The following VPS72 variants were observed in gnomAD, a reference collection of about 807,000 sequenced individuals.
VPS72 encodes the protein vacuolar protein sorting 72 homolog.
Under a neutral mutation model 38.9 loss-of-function variants are expected in VPS72, and 27 were observed. The observed-to-expected ratio is 0.69, with a 90% confidence interval of 0.51 to 0.96. The LOEUF (loss-of-function observed/expected upper bound fraction) is 0.96, where lower values mean the gene tolerates loss of function less well. Among genes scored for constraint, VPS72 ranks in the 40% least tolerant of loss-of-function variants. The pLI is 0.00. For synonymous variants in VPS72, 173 were observed against 186.3 expected (o/e 0.93, Z 0.58); for missense variants, 360 against 479.5 (o/e 0.75, Z 2.33).
At position 151,190,136 on chromosome 1, in the gene VPS72, C is replaced by CT. The variant is rs778048224; in HGVS notation, c.-16dup. 6 of 1,611,894 alleles carry CT rather than the reference C, an allele frequency of 3.7e-6. No individual in the cohort carries two copies. The African/African-American group carries it at 8.0e-5, about 22-fold the overall frequency. Reference sequence around the variant, plus strand: ...GCCAAACTCATACCGCCTACCGAGACTGCGCCGCCACCTGCAGCCCCTCAC... The same window carrying CT: ...GCCAAACTCATACCGCCTACCGAGACTTGCGCCGCCACCTGCAGCCCCTCAC... On this transcript the variant is annotated 5_prime_UTR_variant, in exon 1 of 6. Transcript: ENST00000368892.
At position 151,185,568 on chromosome 1, in the gene VPS72, G is replaced by T. The variant is rs201600788; in HGVS notation, c.323C>A (p.Ser108Tyr). Residue 108 changes from serine (S) to tyrosine (Y), a missense_variant, in exon 3 of 6, where the codon TCT (serine) becomes TAT (tyrosine). This residue lies in a region of VPS72 where 294 missense variants were observed against 356.3 expected (regional missense o/e 0.83). Transcript: ENST00000368892. ...PRKVNTPAGSSQKAREEKALL... is the reference protein window; with the variant it reads ...PRKVNTPAGSYQKAREEKALL... Reference sequence around the variant, plus strand: ...TGCCTTCTCTTCTCGCGCCTTCTGAGAGCTACCAGCCGGGGTGTTGACCTT... The same window carrying T: ...TGCCTTCTCTTCTCGCGCCTTCTGATAGCTACCAGCCGGGGTGTTGACCTT... The T allele has an allele frequency of 7.4e-6, 12 of 1,614,144 alleles. No homozygotes were observed. The African/African-American group carries it at 1.5e-4, about 20-fold the overall frequency.
chr1:151,184,227 A>C, intron 4 of VPS72, 90 bp downstream of exon 4: 1 of 1,499,610 alleles, frequency 6.7e-7, no homozygotes, highest in Non-Finnish European at 9.0e-7. Context: ...CCAAATTTCC[A>C]TCTCTCCAGT....
At chr1:151,180,992 G>A (rs1454623597) in intron 4 of VPS72, among the ~76,000 whole-genome samples, 5 of 152,136 alleles carry the variant, frequency 3.3e-5, no homozygotes, top group Non-Finnish European at 5.9e-5. Flanking sequence ...CTGCTTTTCT[G>A]CCTACCAGCA....
At chr1:151,188,581 C>T (rs1035706584) in intron 1 of VPS72, among the ~76,000 whole-genome samples, 2 of 152,194 alleles carry the variant, frequency 1.3e-5, no homozygotes, top group African/African-American at 4.8e-5. Context: ...CTTTAGTCTC[C>T]TTCATGCTCT....
chr1:151,184,110 T>C (rs370157573), intron 4 of VPS72, among the ~76,000 whole-genome samples: 3 of 152,198 alleles, frequency 2.0e-5, no homozygotes, highest in African/African-American at 7.2e-5. Flanking sequence ...ACAACTCTTA[T>C]TTTACACCAA....
rs1684105910 is a variant in VPS72, at chr1:151,176,679, G to A, written c.1060C>T (p.Pro354Ser). ...PPPEPLPGSG[P>S]RALRQKIVIK ...ACAATTTTCTGGCGCAAGGCTCGGG[G>A]CCCAGAGCCAGGGAGGGGCTCAGGA... Residue 354 changes from proline to serine, a missense_variant, in exon 6 of 6, where the codon CCC becomes TCC. By Grantham distance (74) the Pro-to-Ser change is moderately conservative. This residue lies in a region of VPS72 where 294 missense variants were observed against 356.3 expected (regional missense o/e 0.83). Coordinates refer to ENST00000368892, the MANE Select transcript of VPS72 (RefSeq NM_005997.3). 1.2e-6 allele frequency: 2 copies of A among 1,614,024 alleles called. No individual in the cohort carries two copies. Among genetic ancestry groups the A allele is most frequent in the Admixed American group, 1.7e-5 (1 of 60,006 alleles).
intron 4 of VPS72, among the ~76,000 whole-genome samples, chr1:151,180,727 C>G (rs375677934): frequency 3.3e-5 from 5 of 152,172 alleles, no homozygotes; most frequent in Non-Finnish European, 5.9e-5. Context: ...TGAGCCACCA[C>G]GCCTGGCCCA....
chr1:151,184,216 C>T (rs1684298553), intron 4 of VPS72, 101 bp downstream of exon 4: 4 of 1,465,044 alleles, frequency 2.7e-6, no homozygotes, highest in Non-Finnish European at 3.7e-6. Flanking sequence ...ATTCCATCAT[C>T]CCAAATTTCC....
intron 4 of VPS72, among the ~76,000 whole-genome samples, chr1:151,184,101 C>G (rs1354195953): frequency 6.6e-6 from 1 of 152,174 alleles, no homozygotes; most frequent in Non-Finnish European, 1.5e-5. Context: ...CAGTTCTATA[C>G]AACTCTTATT....
chr1:151,185,873 T>C lies in VPS72; in HGVS notation c.195A>G (p.Glu65=). ...DEVDSDFDID[E]GDEPSSDGEA... is the part of the protein sequence containing the mutation. ...CTCCATCACTGGATGGTTCATCCCC[T>C]TCATCAATGTCAAAGTCAGAGTCCA... Residue 65 remains glutamate (E), a synonymous_variant, in exon 2 of 6, where the codon GAA becomes GAG. Coordinates refer to ENST00000368892, the MANE Select transcript of VPS72 (RefSeq NM_005997.3). 6.2e-7 allele frequency: 1 copy of C among 1,614,126 alleles called. No homozygotes were observed. Among genetic ancestry groups the C allele is most frequent in the Admixed American group, 1.7e-5 (1 of 59,992 alleles).
At chr1:151,187,211 A>G (rs1684371450) in intron 1 of VPS72, among the ~76,000 whole-genome samples, 2 of 152,172 alleles carry the variant, frequency 1.3e-5, no homozygotes, top group Admixed American at 6.5e-5. Flanking sequence ...TTATAAAGAA[A>G]AGGGAAAAAA....
At chr1:151,184,877 G>A (rs1684315135) in intron 3 of VPS72, among the ~76,000 whole-genome samples, 2 of 151,990 alleles carry the variant, frequency 1.3e-5, no homozygotes, top group Non-Finnish European at 2.9e-5. Flanking sequence ...GAGCAACCGT[G>A]CCTGGCCTGA....
chr1:151,185,743 T>A, intron 2 of VPS72, 55 bp downstream of exon 2: 3 of 1,611,674 alleles, frequency 1.9e-6, no homozygotes, highest in South Asian at 2.2e-5. Flanking sequence ...TGGGACCTGA[T>A]GAAAGAGAGA....
chr1:151,189,911 T>TCTATTCCCCGCC, intron 1 of VPS72, 94 bp downstream of exon 1: 1 of 1,429,732 alleles, frequency 7.0e-7, no homozygotes, highest in Non-Finnish European at 9.7e-7. Context: ...AGAGCTCCTC[T>TCTATTCCCCGCC]CTATTCCCCG....
At chr1:151,183,651 AG>A (rs750933262) in intron 4 of VPS72, among the ~76,000 whole-genome samples, 9 of 151,788 alleles carry the variant, frequency 5.9e-5, no homozygotes, top group Non-Finnish European at 1.0e-4. Context: ...TGGTAGAGAC[AG>A]GGTTTCACCA....
Position 151,190,050 on chromosome 1 carries a change from C to T in VPS72, c.72G>A (p.Glu24=), listed in dbSNP as rs756709235. Residue 24 remains glutamate, a synonymous_variant, in exon 1 of 6, where the codon GAG becomes GAA. Transcript: ENST00000368892. The part of the protein sequence containing the change: ...GNRLSGLLEA[E]EEDEFYQTTY... ...TCGTCTGGTAGAACTCATCTTCCTC[C>T]TCTGCCTCCAAAAGCCCAGAAAGCC... 5.0e-6 allele frequency: 8 copies of T among 1,614,010 alleles called. No homozygotes were observed. In the South Asian group the frequency reaches 8.8e-5, roughly 18 times the overall value.
chr1:151,190,085 C>A lies in VPS72; in HGVS notation c.37G>T (p.Ala13Ser), dbSNP rs1183909221. ...AAAAGCCCAGAAAGCCGGTTCCCAG[C>A]GGTCTTCCGGGGTGCCCGGCCCCCA... The part of the protein sequence containing the change: ...LAGGRAPRKT[A>S]GNRLSGLLEA... Residue 13 changes from alanine (A) to serine (S), a missense_variant, in exon 1 of 6, where the codon GCT becomes TCT. Physicochemically the swap from Ala to Ser is moderately conservative, Grantham distance 99 (BLOSUM62 1). Coordinates refer to ENST00000368892, the MANE Select transcript of VPS72 (RefSeq NM_005997.3). The A allele has an allele frequency of 3.1e-6, 5 of 1,614,118 alleles. No individual in the cohort carries two copies. Among genetic ancestry groups the A allele is most frequent in the Non-Finnish European group, 4.2e-6 (5 of 1,180,030 alleles).
chr1:151,189,926 C>T, intron 1 of VPS72, 79 bp downstream of exon 1: 1 of 1,517,954 alleles, frequency 6.6e-7, no homozygotes, highest in Non-Finnish European at 9.1e-7. Flanking sequence ...TCCCCGCCCT[C>T]TTCTTCTTTG....
intron 1 of VPS72, among the ~76,000 whole-genome samples, chr1:151,189,240 C>G (rs1164652831): frequency 3.3e-5 from 5 of 152,130 alleles, no homozygotes; most frequent in Non-Finnish European, 7.3e-5. Flanking sequence ...TATTCTGTTT[C>G]CCTAGAGCCT....
Sources: allele counts gnomAD v4.1 joint callset (sites outside exome capture counted in the v4.1 genomes callset), GRCh38; gene constraint gnomAD v4.1.1; regional missense constraint gnomAD v4.1.1; transcripts MANE v1.5; gene names NCBI Gene and HGNC (gene_info 2026-07-23, HGNC 2026-07-21).